The following VWC2L variants were observed in gnomAD, a reference collection of about 807,000 sequenced individuals.
VWC2L encodes the protein von Willebrand factor C domain-containing protein 2-like.
A neutral mutation model predicts 21.6 loss-of-function variants in VWC2L; 10 were observed. That is an observed-to-expected ratio of 0.46 (90% CI 0.29 to 0.78). VWC2L has a LOEUF of 0.78. VWC2L is among the 30% of genes least tolerant of loss of function. VWC2L has a pLI of 0.10. For missense variants in VWC2L, 209 were observed against 277.1 expected (o/e 0.75, Z 1.74); for synonymous variants, 96 against 94.3 (o/e 1.02, Z -0.10).
At chr2:214,513,540 T>C (rs1214373626) in intron 3 of VWC2L, among the ~76,000 whole-genome samples, 1 of 152,130 alleles carries the variant, frequency 6.6e-6, no homozygotes, top group Non-Finnish European at 1.5e-5. Flanking sequence ...ATTTTCACTA[T>C]TGCTGTTCCT....
Position 214,414,325 on chromosome 2 carries a change from C to G in VWC2L, c.132C>G (p.Ile44Met). Reference sequence around the variant, plus strand: ...AGATCTCCAGTAATGACAATCTGATCTTTGATGACTATCGAGGGAAAGGGT... The same window carrying G: ...AGATCTCCAGTAATGACAATCTGATGTTTGATGACTATCGAGGGAAAGGGT... ...GDQISSNDNL[I>M]FDDYRGKGCV... Residue 44 changes from isoleucine to methionine, a missense_variant, in exon 2 of 4, where the codon ATC becomes ATG. Transcript: ENST00000312504. 1.2e-6 allele frequency: 2 copies of G among 1,613,820 alleles called. No homozygotes were observed. The highest frequency in any genetic ancestry group is 1.7e-6 in the Non-Finnish European group (2 of 1,179,838).
chr2:214,483,917 G>A (rs534416643), intron 3 of VWC2L, among the ~76,000 whole-genome samples: 12 of 152,066 alleles, frequency 7.9e-5, no homozygotes, highest in East Asian at 1.9e-4. Flanking sequence ...ATTCTCTAAC[G>A]GTTTTGGAAG....
At chr2:214,567,845 AAAT>A (rs747841456) in intron 3 of VWC2L, among the ~76,000 whole-genome samples, 56 of 152,278 alleles carry the variant, frequency 3.7e-4, no homozygotes, top group Non-Finnish European at 7.4e-4. Context: ...AAAACAGAAA[AAAT>A]AATACTCATG....
intron 3 of VWC2L, 89 bp downstream of exon 3, chr2:214,436,847 C>G: frequency 1.4e-6 from 2 of 1,480,550 alleles, no homozygotes; most frequent in Non-Finnish European, 1.8e-6. Flanking sequence ...CAAGACCCCT[C>G]TAAGATCTGC....
chr2:214,473,562 A>G (rs192663234), intron 3 of VWC2L: 1 of 152,314 alleles, frequency 6.6e-6, no homozygotes, highest in East Asian at 1.9e-4. Context: ...CAGGTCTGGA[A>G]GTGAGACATT....
At chr2:214,419,428 A>T (rs1222052505) in intron 2 of VWC2L, among the ~76,000 whole-genome samples, 2 of 152,142 alleles carry the variant, frequency 1.3e-5, no homozygotes, top group Non-Finnish European at 2.9e-5. Flanking sequence ...TATTTTTATA[A>T]CTCTGATTCT....
chr2:214,469,280 T>A (rs1401646402), intron 3 of VWC2L, among the ~76,000 whole-genome samples: 2 of 152,130 alleles, frequency 1.3e-5, no homozygotes, highest in African/African-American at 4.8e-5. Context: ...CTGCTTCAGG[T>A]CTATACCTCC....
At chr2:214,475,350 A>G (rs763730289) in intron 3 of VWC2L, among the ~76,000 whole-genome samples, 1 of 152,134 alleles carries the variant, frequency 6.6e-6, no homozygotes, top group Non-Finnish European at 1.5e-5. Context: ...AATTCAAACC[A>G]AAACATGCTT....
chr2:214,484,041 C>T (rs1307784598), intron 3 of VWC2L, among the ~76,000 whole-genome samples: 1 of 152,114 alleles, frequency 6.6e-6, no homozygotes, highest in East Asian at 1.9e-4. Context: ...CTTTGGTGTT[C>T]CTTGGCTTGC....
intron 3 of VWC2L, among the ~76,000 whole-genome samples, chr2:214,542,684 A>G (rs897384191): frequency 6.6e-6 from 1 of 152,170 alleles, no homozygotes; most frequent in African/African-American, 2.4e-5. Flanking sequence ...TTATCCCACT[A>G]GTATGCCTCT....
At chr2:214,461,986 C>A (rs151166064) in intron 3 of VWC2L, among the ~76,000 whole-genome samples, 1,560 of 152,236 alleles carry the variant, frequency 0.01, 27 homozygotes, top group African/African-American at 0.035. Flanking sequence ...GTGCTGAGGA[C>A]CCTGCTGCAC....
intron 3 of VWC2L, among the ~76,000 whole-genome samples, chr2:214,553,478 T>C (rs2105926086): frequency 1.3e-5 from 2 of 152,304 alleles, no homozygotes; most frequent in Middle Eastern, 6.8e-3. Context: ...GATTTTCTGA[T>C]TGGCAGTTGG....
chr2:214,507,186 G>C (rs1688979689), intron 3 of VWC2L, among the ~76,000 whole-genome samples: 1 of 152,112 alleles, frequency 6.6e-6, no homozygotes, highest in South Asian at 2.1e-4. Context: ...TGTATCTAAA[G>C]ACAGTAATGA....
intron 3 of VWC2L, among the ~76,000 whole-genome samples, chr2:214,450,773 A>G (rs1702941784): frequency 6.6e-6 from 1 of 152,062 alleles, no homozygotes; most frequent in Non-Finnish European, 1.5e-5. Context: ...TGCTGAGGGG[A>G]ATGGTTGCCC....
At chr2:214,414,615 T>C (rs1382347693) in intron 2 of VWC2L, 32 bp downstream of exon 2, 3 of 1,594,904 alleles carry the variant, frequency 1.9e-6, no homozygotes, top group Non-Finnish European at 2.6e-6. Flanking sequence ...TATTGAAATA[T>C]CAACTTTTCA....
intron 2 of VWC2L, among the ~76,000 whole-genome samples, chr2:214,419,075 G>A (rs1702397003): frequency 6.6e-6 from 1 of 152,182 alleles, no homozygotes; most frequent in African/African-American, 2.4e-5. Flanking sequence ...TAGGAAAACT[G>A]ATGTCATTTA....
chr2:214,561,991 T>G (rs969563236), intron 3 of VWC2L, among the ~76,000 whole-genome samples: 4 of 152,054 alleles, frequency 2.6e-5, no homozygotes, highest in African/African-American at 9.7e-5. Flanking sequence ...GTGTTTTTCT[T>G]TTTTTAATTT....
At chr2:214,464,749 A>G (rs1703191038) in intron 3 of VWC2L, among the ~76,000 whole-genome samples, 1 of 152,106 alleles carries the variant, frequency 6.6e-6, no homozygotes, top group African/African-American at 2.4e-5. Context: ...CCTGGCCCAG[A>G]GCAGGTCCCA....
At chr2:214,453,189 A>G (rs781543584) in intron 3 of VWC2L, among the ~76,000 whole-genome samples, 3 of 152,154 alleles carry the variant, frequency 2.0e-5, no homozygotes, top group Non-Finnish European at 4.4e-5. Context: ...TATTAATAGA[A>G]GTATTTTAGT....
Sources: allele counts gnomAD v4.1 joint callset (sites outside exome capture counted in the v4.1 genomes callset), GRCh38; gene constraint gnomAD v4.1.1; transcripts MANE v1.5; gene names NCBI Gene and HGNC (gene_info 2026-07-23, HGNC 2026-07-21).